The following CERS3 variants were observed in gnomAD, a reference collection of about 807,000 sequenced individuals.
CERS3 encodes the protein LAG1 homolog, ceramide synthase 3.
In CERS3, 33 loss-of-function variants were observed where a neutral mutation model predicts 50.3. The ratio of observed to expected loss-of-function variants is 0.66; its 90% CI spans 0.50 to 0.88. CERS3 has a LOEUF of 0.88. Among genes scored for constraint, CERS3 ranks in the 40% least tolerant of loss-of-function variants. The pLI, the probability that CERS3 is intolerant of heterozygous loss-of-function variation, is 0.00. For missense variants in CERS3, 470 were observed against 460.3 expected (o/e 1.02, Z -0.19); for synonymous variants, 176 against 155.2 (o/e 1.13, Z -0.99).
chr15:100,408,299 C>T (rs184845236), intron 11 of CERS3, among the ~76,000 whole-genome samples: 1 of 152,150 alleles, frequency 6.6e-6, no homozygotes. Context: ...TTCCAGGAAA[C>T]CATGTCACTG....
At chr15:100,445,508 C>A (rs2033897056) in intron 11 of CERS3, among the ~76,000 whole-genome samples, 1 of 152,136 alleles carries the variant, frequency 6.6e-6, no homozygotes, top group Non-Finnish European at 1.5e-5. Flanking sequence ...TTTTCTCCTT[C>A]TCTTATTCCG....
rs771534407 is a variant in CERS3 at position 100,456,032 on chromosome 15, G to A, written c.860C>T (p.Thr287Met). 5.3e-5 allele frequency: 85 copies of A among 1,606,788 alleles called. No individual in the cohort carries two copies. Among genetic ancestry groups the A allele is most frequent in the East Asian group, 9.0e-5 (4 of 44,470 alleles). ...IVFPFWILYC[T>M]LILPMYHLEP... is the part of the protein sequence containing the mutation. ...GAGGTGATACATAGGCAAGATCAGC[G>A]TGCAATATAAAATCCTGAAACACCA... Residue 287 changes from threonine (T) to methionine (M), a missense_variant, in exon 11 of 12, where the codon ACG becomes ATG. Transcript: ENST00000679737.
intron 1 of CERS3, chr15:100,544,132 G>A (rs1292039231): frequency 6.6e-6 from 1 of 152,400 alleles, no homozygotes; most frequent in Non-Finnish European, 1.5e-5. Flanking sequence ...ACCTGGGTGG[G>A]GTTAGCGTCC....
chr15:100,442,033 G>T (rs1003313607), intron 11 of CERS3, among the ~76,000 whole-genome samples: 1 of 151,988 alleles, frequency 6.6e-6, no homozygotes. Context: ...CACCCAGGCC[G>T]GCTTACAGTT....
intron 10 of CERS3, among the ~76,000 whole-genome samples, chr15:100,456,414 C>T (rs534410358): frequency 6.6e-6 from 1 of 152,270 alleles, no homozygotes; most frequent in East Asian, 1.9e-4. Context: ...TGCATGTTTA[C>T]ATGAGGTTAT....
intron 2 of CERS3, 124 bp from the exon 3 acceptor site, chr15:100,501,974 C>T (rs2036017569): frequency 1.1e-6 from 1 of 920,276 alleles, no homozygotes. Context: ...AGGCCTAGCG[C>T]AGTGGCTCAC....
At chr15:100,422,161 GA>G (rs1310477142) in intron 11 of CERS3, among the ~76,000 whole-genome samples, 726 of 48,006 alleles carry the variant, frequency 0.015, 17 homozygotes, top group African/African-American at 0.05. Context: ...TACAAAATGG[GA>G]GAAAATTTTC....
At position 100,472,872 on chromosome 15, in the gene CERS3, C is replaced by T. The variant is rs142542948; in HGVS notation, c.738+52G>A. 1,031 of 1,610,572 alleles carry T rather than the reference C, an allele frequency of 6.4e-4. 6 individuals carry two copies. The African/African-American group carries it at 0.011, about 17-fold the overall frequency. ...TCACAATTACTTCTGTGAGCAGTTA[C>T]GGAAACCCAGGACATGGTATTGTCA... is the stretch of plus-strand genomic sequence containing the variant. On this transcript the variant is annotated intron_variant, in intron 9 of 11. Coordinates refer to ENST00000679737, the MANE Select transcript of CERS3 (RefSeq NM_001378789.1).
intron 10 of CERS3, among the ~76,000 whole-genome samples, chr15:100,469,039 G>C (rs930982688): frequency 2.3e-4 from 35 of 152,166 alleles, no homozygotes; most frequent in Admixed American, 6.5e-5. Context: ...CTCTCTTTTA[G>C]AGAACTGGTG....
At position 100,467,842 on chromosome 15, in the gene CERS3, T is replaced by C. The variant is rs1398063367; in HGVS notation, c.845+1536A>G. On this transcript the variant is annotated intron_variant, in intron 10 of 11. Transcript: ENST00000679737. The stretch of plus-strand genomic sequence containing the variant: ...ATATGTGTATATATATACGTGTATA[T>C]ATATATATATAGATAGATAGATAGA... Among the ~76,000 whole-genome samples the C allele has an allele frequency of 7.5e-5, 3 of 40,130 alleles. No homozygotes were observed. In the South Asian group the frequency reaches 2.7e-3, roughly 36 times the overall value. 26.3% of individuals were successfully genotyped at this position (40,130 alleles called of 152,430 possible). A position where few individuals can be genotyped will look rare whatever the true frequency, so the allele number is the denominator to read the frequency against.
At chr15:100,497,306 A>ATG (rs139734142) in intron 3 of CERS3, among the ~76,000 whole-genome samples, 51,812 of 145,710 alleles carry the variant, frequency 0.36, 9,027 homozygotes, top group Middle Eastern at 0.46. Context: ...GCATATATGT[A>ATG]TGTGTGTGTG....
chr15:100,436,482 G>T (rs983536765), intron 11 of CERS3, among the ~76,000 whole-genome samples: 2 of 152,086 alleles, frequency 1.3e-5, no homozygotes, highest in African/African-American at 4.8e-5. Flanking sequence ...GGGCTGGGGG[G>T]CAAGGGGAGG....
intron 11 of CERS3, among the ~76,000 whole-genome samples, chr15:100,440,896 G>C (rs2033649425): frequency 6.6e-6 from 1 of 152,200 alleles, no homozygotes; most frequent in Admixed American, 6.5e-5. Flanking sequence ...AGACAAAGGA[G>C]ACATGTTTTA....
intron 3 of CERS3, among the ~76,000 whole-genome samples, chr15:100,494,810 C>T (rs1209004217): frequency 6.6e-6 from 1 of 152,206 alleles, no homozygotes; most frequent in African/African-American, 2.4e-5. Flanking sequence ...TTATGGCCTT[C>T]CCAGGTCTTT....
At chr15:100,456,220 A>G (rs1377763973) in intron 10 of CERS3, among the ~76,000 whole-genome samples, 174 bp from the exon 11 acceptor site, 1 of 152,240 alleles carries the variant, frequency 6.6e-6, no homozygotes, top group Non-Finnish European at 1.5e-5. Context: ...CATTACTGGC[A>G]AGCAACAAAA....
intron 11 of CERS3, among the ~76,000 whole-genome samples, chr15:100,418,790 GA>G (rs2032171146): frequency 6.9e-6 from 1 of 144,742 alleles, no homozygotes; most frequent in South Asian, 2.3e-4. Flanking sequence ...CATTCTTAAA[GA>G]AAAGAATTTT....
At chr15:100,467,953 C>A (rs1316227960) in intron 10 of CERS3, among the ~76,000 whole-genome samples, 2 of 150,534 alleles carry the variant, frequency 1.3e-5, no homozygotes, top group Non-Finnish European at 3.0e-5. Context: ...AACTCCTGGG[C>A]TTAAGTGACC....
intron 6 of CERS3, 72 bp downstream of exon 6, chr15:100,479,917 A>G: frequency 8.9e-7 from 1 of 1,121,984 alleles, no homozygotes; most frequent in South Asian, 1.3e-5. Flanking sequence ...ACTATACCCT[A>G]AAGGAATTCA....
At chr15:100,445,718 A>C (rs1229263964) in intron 11 of CERS3, among the ~76,000 whole-genome samples, 1 of 152,102 alleles carries the variant, frequency 6.6e-6, no homozygotes, top group Non-Finnish European at 1.5e-5. Context: ...TTATATCTCC[A>C]TACCATCCCC....
Sources: gnomAD v4.1 joint callset for allele counts (sites outside exome capture counted in the v4.1 genomes callset) on GRCh38, gnomAD v4.1.1 for gene constraint, MANE v1.5 for transcripts, NCBI Gene and HGNC (gene_info 2026-07-23, HGNC 2026-07-21) for gene names.